The following PTPRT variants were observed in gnomAD, a reference collection of about 807,000 sequenced individuals.
PTPRT encodes the protein receptor-type tyrosine-protein phosphatase T.
A neutral mutation model predicts 176.8 loss-of-function variants in PTPRT; 56 were observed. The ratio of observed to expected loss-of-function variants is 0.32; its 90% confidence interval spans 0.26 to 0.40. The LOEUF (loss-of-function observed/expected upper bound fraction) is 0.40, where lower values mean the gene tolerates loss of function less well. Among genes scored for constraint, PTPRT ranks in the 10% least tolerant of loss-of-function variants. The pLI is 1.00. For missense variants in PTPRT, 1,540 were observed against 1,908.2 expected, an observed-to-expected ratio of 0.81 and a Z score of 3.60; for synonymous variants, 783 against 739.0, an observed-to-expected ratio of 1.06 and a Z score of -0.96.
intron 14 of PTPRT, among the ~76,000 whole-genome samples, chr20:42,244,869 G>A (rs2056421423): frequency 6.6e-6 from 1 of 152,206 alleles, no homozygotes; most frequent in African/African-American, 2.4e-5. Flanking sequence ...TGCATTAAAG[G>A]CACACAGTGC....
intron 7 of PTPRT, among the ~76,000 whole-genome samples, chr20:42,621,295 G>C (rs1177717815): frequency 6.6e-6 from 1 of 152,034 alleles, no homozygotes; most frequent in Non-Finnish European, 1.5e-5. Flanking sequence ...CATCTCCACT[G>C]GCTCCTTTCC....
chr20:43,004,170 TAAA>T (rs10618644), intron 1 of PTPRT, among the ~76,000 whole-genome samples: 28,019 of 127,256 alleles, frequency 0.22, 2,734 homozygotes, highest in Middle Eastern at 0.27. Context: ...AACCAAGATG[TAAA>T]AAAAAAAAAA....
At chr20:43,047,160 A>G (rs1986870710) in intron 1 of PTPRT, among the ~76,000 whole-genome samples, 1 of 149,408 alleles carries the variant, frequency 6.7e-6, no homozygotes, top group African/African-American at 2.5e-5. Context: ...ATCCTCCTCC[A>G]TGCCTGATGC....
chr20:42,986,515 G>C (rs77308845), intron 1 of PTPRT, among the ~76,000 whole-genome samples: 1 of 152,178 alleles, frequency 6.6e-6, no homozygotes, highest in East Asian at 1.9e-4. Flanking sequence ...AGTACAGCTC[G>C]AGAGACAGTT....
intron 15 of PTPRT, among the ~76,000 whole-genome samples, chr20:42,217,424 C>G (rs1284533405): frequency 3.4e-5 from 3 of 88,540 alleles, no homozygotes; most frequent in East Asian, 2.0e-4. Context: ...CACACACACA[C>G]AGAACATTAC....
intron 7 of PTPRT, among the ~76,000 whole-genome samples, chr20:42,473,577 G>T (rs2071236772): frequency 6.6e-6 from 1 of 152,124 alleles, no homozygotes; most frequent in African/African-American, 2.4e-5. Context: ...CTAGGCTCAA[G>T]CAATCATGAT....
chr20:42,057,473 C>T, the PTPRT span, among the ~76,000 whole-genome samples: 873 of 152,292 alleles, frequency 5.7e-3, 34 homozygotes, highest in Admixed American at 0.052. Context: ...TATATCTTCC[C>T]CATCTTCTTT....
chr20:42,953,377 G>A (rs1050309347), intron 1 of PTPRT, among the ~76,000 whole-genome samples: 1 of 152,232 alleles, frequency 6.6e-6, no homozygotes, highest in Non-Finnish European at 1.5e-5. Flanking sequence ...CTCAGTAAGA[G>A]GTAGAGCTGG....
intron 1 of PTPRT, among the ~76,000 whole-genome samples, chr20:42,940,204 G>A (rs191424717): frequency 1.3e-5 from 2 of 152,280 alleles, no homozygotes; most frequent in South Asian, 2.1e-4. Flanking sequence ...ACCTATGGTG[G>A]AGCCAAGATT....
chr20:42,543,414 T>C (rs1568964695), intron 7 of PTPRT, among the ~76,000 whole-genome samples: 1 of 152,174 alleles, frequency 6.6e-6, no homozygotes, highest in African/African-American at 2.4e-5. Context: ...TTTGTTAAAA[T>C]TTTATCATGA....
intron 6 of PTPRT, among the ~76,000 whole-genome samples, chr20:42,754,560 G>A (rs1313110913): frequency 6.6e-6 from 1 of 152,240 alleles, no homozygotes; most frequent in Non-Finnish European, 1.5e-5. Flanking sequence ...TGGGATGACA[G>A]GCGTGAGCCA....
At chr20:42,052,254 T>G in the PTPRT span, among the ~76,000 whole-genome samples, 384 of 152,304 alleles carry the variant, frequency 2.5e-3, 2 homozygotes, top group Non-Finnish European at 2.5e-3. Flanking sequence ...GGCACTCTGC[T>G]GGGCCCTGCC....
chr20:42,797,992 G>T (rs1022285647), intron 2 of PTPRT, among the ~76,000 whole-genome samples: 6 of 152,224 alleles, frequency 3.9e-5, no homozygotes. Context: ...CTGATGTCCA[G>T]ATTAGAATGT....
At chr20:43,175,627 A>G (rs2015109066) in intron 1 of PTPRT, among the ~76,000 whole-genome samples, 1 of 99,958 alleles carries the variant, frequency 1.0e-5, no homozygotes, top group African/African-American at 3.1e-5. Context: ...CAACCTGGCA[A>G]CAGAGCGAGA....
At chr20:42,454,257 G>C (rs753002506) in intron 8 of PTPRT, among the ~76,000 whole-genome samples, 8 of 152,052 alleles carry the variant, frequency 5.3e-5, no homozygotes, top group Non-Finnish European at 1.2e-4. Context: ...ATGAACAGTA[G>C]AGTTGTATCC....
At chr20:42,106,948 A>AT (rs1986505446) in intron 23 of PTPRT, 27 bp from the exon 24 acceptor site, 2 of 1,608,206 alleles carry the variant, frequency 1.2e-6, no homozygotes, top group East Asian at 4.5e-5. Context: ...GTCTGTGTTA[A>AT]GGATCTTCAT....
intron 7 of PTPRT, among the ~76,000 whole-genome samples, chr20:42,504,743 G>C (rs1469374365): frequency 6.6e-6 from 1 of 152,036 alleles, no homozygotes; most frequent in Non-Finnish European, 1.5e-5. Flanking sequence ...CATTTTTTGA[G>C]AATACTGATA....
At chr20:42,742,728 G>A (rs547037223) in intron 6 of PTPRT, among the ~76,000 whole-genome samples, 101 of 152,236 alleles carry the variant, frequency 6.6e-4, no homozygotes, top group African/African-American at 2.3e-3. Context: ...CTTTCTTGCT[G>A]GTATGAAGCA....
At chr20:42,814,918 A>G (rs1475446222) in intron 2 of PTPRT, among the ~76,000 whole-genome samples, 1 of 152,216 alleles carries the variant, frequency 6.6e-6, no homozygotes, top group African/African-American at 2.4e-5. Context: ...AGGGGAAAAA[A>G]GTACAACAGA....
Sources: allele counts gnomAD v4.1 joint callset (sites outside exome capture counted in the v4.1 genomes callset), GRCh38; gene constraint gnomAD v4.1.1; transcripts MANE v1.5; gene names NCBI Gene and HGNC (gene_info 2026-07-23, HGNC 2026-07-21).